PHLDB2: variants seen among roughly 807,000 people sequenced by gnomAD.
PHLDB2 encodes the protein pleckstrin homology-like domain family B member 2.
PHLDB2 carries 71 observed loss-of-function variants against 123.6 expected under a neutral mutation model. That is an observed-to-expected ratio of 0.57 (90% CI 0.47 to 0.70). PHLDB2 has a LOEUF of 0.70. Among genes scored for constraint, PHLDB2 ranks in the 30% least tolerant of loss-of-function variants. PHLDB2 has a pLI of 0.00. For missense variants in PHLDB2, 1,446 were observed against 1,519.5 expected (o/e 0.95, Z 0.80); for synonymous variants, 547 against 541.6 (o/e 1.01, Z -0.14).
chr3:111,874,121 C>A (rs897152410), intron 1 of PHLDB2, among the ~76,000 whole-genome samples: 11 of 151,750 alleles, frequency 7.2e-5, no homozygotes, highest in African/African-American at 2.4e-4. Flanking sequence ...TCCTTTAACT[C>A]ACAGAATTTT....
chr3:111,961,644 T>G (rs545580729), intron 12 of PHLDB2, among the ~76,000 whole-genome samples: 8 of 152,348 alleles, frequency 5.3e-5, no homozygotes, highest in Admixed American at 5.2e-4. Context: ...ATCCTACACT[T>G]GAAAGATTCC....
At chr3:111,940,327 A>G (rs1445930671) in intron 7 of PHLDB2, among the ~76,000 whole-genome samples, 1 of 152,198 alleles carries the variant, frequency 6.6e-6, no homozygotes, top group East Asian at 1.9e-4. Flanking sequence ...CAGTCGATCT[A>G]TATTAGCCTT....
Position 111,859,442 on chromosome 3 carries a change from G to A in PHLDB2, c.-149G>A, listed in dbSNP as rs2064679906. The A allele has an allele frequency of 2.0e-6, 2 of 985,600 alleles. No homozygotes were observed. Among genetic ancestry groups the A allele is most frequent in the Non-Finnish European group, 1.2e-6 (1 of 830,052 alleles). 61.1% of individuals were successfully genotyped at this position (985,600 alleles called of 1,614,324 possible). A position where few individuals can be genotyped will look rare whatever the true frequency, so the allele number is the denominator to read the frequency against. ...CCGCGGTGGTTACAAAGGGGGTCAA[G>A]AGTGCCGGACCCAGCCGCGCGGAGC... On this transcript the variant is annotated 5_prime_UTR_variant, in exon 1 of 18. Coordinates refer to ENST00000431670, the MANE Select transcript of PHLDB2 (RefSeq NM_001134438.2).
chr3:111,862,145 T>G (rs1445273342), intron 1 of PHLDB2, among the ~76,000 whole-genome samples: 3 of 152,228 alleles, frequency 2.0e-5, no homozygotes, highest in Non-Finnish European at 2.9e-5. Context: ...CCCGGTCTCC[T>G]TTTAAATATT....
chr3:111,802,221 A>G (rs1297090061), intron 1 of PHLDB2, among the ~76,000 whole-genome samples: 1 of 152,232 alleles, frequency 6.6e-6, no homozygotes, highest in Non-Finnish European at 1.5e-5. Context: ...CTATGGCTCC[A>G]TGGAGCACTG....
chr3:111,913,301 C>G lies in PHLDB2; in HGVS notation c.1336-18C>G, dbSNP rs757446588. 13 of 1,560,834 alleles carry G rather than the reference C, an allele frequency of 8.3e-6. No homozygotes were observed. The highest frequency in any genetic ancestry group is 1.0e-5 in the Non-Finnish European group (12 of 1,156,466). The stretch of plus-strand genomic sequence containing the variant: ...TTCTCACAAACCCACTGACCTCCCC[C>G]TCCTCCCTGTGTTCCAGGAGAGACA... On this transcript the variant is annotated intron_variant, in intron 2 of 17. Transcript: ENST00000431670.
chr3:111,970,007 A>G (rs2072059863), intron 16 of PHLDB2, 98 bp downstream of exon 16: 1 of 1,087,356 alleles, frequency 9.2e-7, no homozygotes, highest in African/African-American at 1.6e-5. Context: ...GTAGGTTGAT[A>G]CATAACAGAA....
intron 2 of PHLDB2, among the ~76,000 whole-genome samples, chr3:111,902,487 A>C (rs533923505): frequency 6.6e-6 from 1 of 152,138 alleles, no homozygotes; most frequent in Non-Finnish European, 1.5e-5. Flanking sequence ...ATAAATAAAC[A>C]TTACTTTAGC....
intron 12 of PHLDB2, chr3:111,957,023 A>G (rs941313846): frequency 2.0e-5 from 3 of 152,344 alleles, no homozygotes; most frequent in Non-Finnish European, 2.9e-5. Flanking sequence ...ATCAAGGATG[A>G]TGGTGTAAGT....
intron 1 of PHLDB2, among the ~76,000 whole-genome samples, chr3:111,842,964 C>G (rs1360574767): frequency 6.6e-6 from 1 of 152,188 alleles, no homozygotes; most frequent in African/African-American, 2.4e-5. Context: ...GAATAATATT[C>G]CATTGTATAG....
chr3:111,967,526 T>C (rs1301586975), intron 14 of PHLDB2, 152 bp from the exon 15 acceptor site: 1 of 665,324 alleles, frequency 1.5e-6, no homozygotes, highest in African/African-American at 1.8e-5. Context: ...CCAGGCATGG[T>C]TATGAGTTGT....
intron 1 of PHLDB2, among the ~76,000 whole-genome samples, chr3:111,828,169 A>G (rs957373231): frequency 6.6e-6 from 1 of 152,200 alleles, no homozygotes; most frequent in Non-Finnish European, 1.5e-5. Flanking sequence ...AAATGCTCCC[A>G]TGGAAGAGTT....
intron 1 of PHLDB2, among the ~76,000 whole-genome samples, chr3:111,788,269 C>T (rs1482752564): frequency 6.6e-6 from 1 of 152,120 alleles, no homozygotes; most frequent in African/African-American, 2.4e-5. Context: ...ATGTTGTTTC[C>T]TATGAATGCC....
rs191492732 is a variant in PHLDB2 at position 111,947,922 on chromosome 3, T to C, written c.2488-1010T>C. On this transcript the variant is annotated intron_variant, in intron 9 of 17. Transcript: ENST00000431670. ...ATTGATGGAGGCATGGAAGAATCTT[T>C]ATGTCAAATTTAACTCAATTTCAGC... Among the ~76,000 whole-genome samples, 4 of 152,354 alleles carry C rather than the reference T, an allele frequency of 2.6e-5. No homozygotes were observed. In the East Asian group the frequency reaches 5.8e-4, roughly 22 times the overall value.
chr3:111,934,108 G>A (rs1322876227), intron 6 of PHLDB2, among the ~76,000 whole-genome samples: 8 of 152,160 alleles, frequency 5.3e-5, no homozygotes, highest in Non-Finnish European at 1.0e-4. Context: ...ATTAATTGAA[G>A]GCAGAGACTT....
intron 1 of PHLDB2, among the ~76,000 whole-genome samples, chr3:111,805,911 G>A (rs2061565315): frequency 7.2e-6 from 1 of 139,400 alleles, no homozygotes; most frequent in Admixed American, 7.6e-5. Flanking sequence ...GCCAGTCACA[G>A]AAGACTACAT....
intron 5 of PHLDB2, among the ~76,000 whole-genome samples, chr3:111,926,083 A>G (rs2068799588): frequency 6.6e-6 from 1 of 152,234 alleles, no homozygotes; most frequent in African/African-American, 2.4e-5. Context: ...ATGCATTGTT[A>G]TATTTTGTAG....
chr3:111,933,493 TTAA>T, intron 6 of PHLDB2, among the ~76,000 whole-genome samples: 1 of 152,346 alleles, frequency 6.6e-6, no homozygotes, highest in East Asian at 1.9e-4. Context: ...TGAGAGCATC[TTAA>T]TAATGAGAAT....
chr3:111,808,385 G>C (rs1489562215), intron 1 of PHLDB2, among the ~76,000 whole-genome samples: 1 of 152,072 alleles, frequency 6.6e-6, no homozygotes, highest in Non-Finnish European at 1.5e-5. Context: ...AATGACATTA[G>C]CTATGTCTGC....
Sources: gnomAD v4.1 joint callset for allele counts (sites outside exome capture counted in the v4.1 genomes callset) on GRCh38, gnomAD v4.1.1 for gene constraint, MANE v1.5 for transcripts, NCBI Gene and HGNC (gene_info 2026-07-23, HGNC 2026-07-21) for gene names.